Variants in SDSL observed in about 807,000 individuals in gnomAD.
SDSL encodes the protein serine dehydratase-like.
A neutral mutation model predicts 27.6 loss-of-function variants in SDSL; 26 were observed. That is an observed-to-expected ratio of 0.94 (90% CI 0.69 to 1.31). SDSL has a LOEUF of 1.31. Among genes scored for constraint, SDSL ranks in the 50% most tolerant of loss-of-function variants. SDSL has a pLI of 0.00. For missense variants in SDSL, 431 were observed against 423.5 expected, an observed-to-expected ratio of 1.02 and a Z score of -0.16; for synonymous variants, 196 against 180.6, an observed-to-expected ratio of 1.09 and a Z score of -0.69.
intron 6 of SDSL, among the ~76,000 whole-genome samples, chr12:113,436,454 A>G (rs1957995003): frequency 1.3e-5 from 2 of 151,956 alleles, no homozygotes; most frequent in African/African-American, 2.4e-5. Flanking sequence ...ACACCCGGAT[A>G]ATTTTGTATT....
At chr12:113,432,257 TTTCTTTCTTTC>T (rs1395419321) in intron 4 of SDSL, among the ~76,000 whole-genome samples, 1 of 142,802 alleles carries the variant, frequency 7.0e-6, no homozygotes, top group Non-Finnish European at 1.5e-5. Context: ...TCTTTCTTTC[TTTCTTTCTTTC>T]TTTCTTTCTT....
chr12:113,426,499 A>G (rs1166194422), intron 1 of SDSL, among the ~76,000 whole-genome samples: 2 of 152,238 alleles, frequency 1.3e-5, no homozygotes, highest in African/African-American at 2.4e-5. Flanking sequence ...AGATGTGATC[A>G]TAGTATTGTG....
intron 4 of SDSL, among the ~76,000 whole-genome samples, chr12:113,432,208 GCTTCTTTCTTTCTTTC>G (rs1957930560): frequency 6.7e-6 from 1 of 149,606 alleles, no homozygotes; most frequent in Non-Finnish European, 1.5e-5. Context: ...TTGTTTGTTT[GCTTCTTTCTTTCTTTC>G]TTTCTTTCTT....
chr12:113,422,534 G>A (rs936134727), intron 1 of SDSL, 57 bp downstream of exon 1: 2 of 152,884 alleles, frequency 1.3e-5, no homozygotes, highest in African/African-American at 4.8e-5. Context: ...GTGAATGAGA[G>A]GCTGATGAGA....
chr12:113,428,320 G>C lies in SDSL; in HGVS notation c.175-100G>C. On this transcript the variant is annotated intron_variant, in intron 2 of 7. Transcript: ENST00000403593. ...GCTGTGGGCAGGATGAGGGGTAAAGGCGTATTGGGAGTGGGATGGGGAGAC... is the reference window on the plus strand; with the variant it reads ...GCTGTGGGCAGGATGAGGGGTAAAGCCGTATTGGGAGTGGGATGGGGAGAC... 4 of 1,341,678 alleles carry C rather than the reference G, an allele frequency of 3.0e-6. No homozygotes were observed. In the South Asian group the frequency reaches 4.1e-5, roughly 14 times the overall value. The allele number at this position is 1,341,678 out of a possible 1,614,324, so 83.1% of individuals were successfully genotyped here.
intron 1 of SDSL, chr12:113,425,661 T>C (rs1957839236): frequency 2.2e-6 from 1 of 455,772 alleles, no homozygotes; most frequent in Non-Finnish European, 4.4e-6. Context: ...TTTTCGTCCT[T>C]ACCCACTGGT....
intron 1 of SDSL, chr12:113,426,371 C>T (rs1159201132): frequency 2.7e-6 from 1 of 375,448 alleles, no homozygotes; most frequent in East Asian, 7.5e-5. Flanking sequence ...CTGATTCAAA[C>T]CGTGAAAAAC....
chr12:113,429,069 G>A lies in SDSL; in HGVS notation c.215-91G>A, dbSNP rs893202177. On this transcript the variant is annotated intron_variant, in intron 3 of 7. Transcript: ENST00000403593. The stretch of plus-strand genomic sequence containing the variant: ...AATGGGGCATATGAATGTTGGGGAC[G>A]AGTGACTCTGAAGGGATATGGAGGG... The A allele has an allele frequency of 3.2e-5, 47 of 1,461,404 alleles. No individual in the cohort carries two copies. The South Asian group carries it at 4.2e-4, about 13-fold the overall frequency. The allele number at this position is 1,461,404 out of a possible 1,614,324, so 90.5% of individuals were successfully genotyped here.
chr12:113,432,304 TTCTGTCTC>T (rs1243639539), intron 4 of SDSL, among the ~76,000 whole-genome samples: 20 of 146,066 alleles, frequency 1.4e-4, no homozygotes, highest in African/African-American at 3.9e-4. Context: ...CTCTCTCTCT[TTCTGTCTC>T]TCTGTCTCTC....
intron 4 of SDSL, among the ~76,000 whole-genome samples, chr12:113,433,044 G>A (rs929173599): frequency 4.6e-5 from 7 of 152,202 alleles, no homozygotes; most frequent in African/African-American, 1.7e-4. Context: ...TAATGGGATT[G>A]CTGGGTCAAA....
At chr12:113,437,365 A>G (rs1474092610) in intron 7 of SDSL, among the ~76,000 whole-genome samples, 2 of 152,226 alleles carry the variant, frequency 1.3e-5, no homozygotes, top group African/African-American at 2.4e-5. Flanking sequence ...TAGGCACTCA[A>G]TAGATGTTTG....
rs1328013610 is a variant in SDSL, at chr12:113,436,732, ACCCTG to A, written c.672-17_672-13del. The A allele has an allele frequency of 1.9e-6, 3 of 1,583,948 alleles. No individual in the cohort carries two copies. Among genetic ancestry groups the A allele is most frequent in the Non-Finnish European group, 2.6e-6 (3 of 1,170,210 alleles). Reference sequence around the variant, plus strand: ...CCTGAGCCCCTGGTCTCCCTGCCCCACCCTGCTCTATCCTGCAGTGTGGCCAAGAG... The same window carrying A: ...CCTGAGCCCCTGGTCTCCCTGCCCCACTCTATCCTGCAGTGTGGCCAAGAG... On this transcript the variant is annotated splice_polypyrimidine_tract_variant and intron_variant, in intron 6 of 7. Transcript: ENST00000403593.
chr12:113,426,419 A>G (rs1957851995), intron 1 of SDSL: 3 of 311,942 alleles, frequency 9.6e-6, no homozygotes, highest in African/African-American at 4.3e-5. Flanking sequence ...GCCACTGATC[A>G]TATTTAATGG....
At chr12:113,424,482 T>C (rs1391153145) in intron 1 of SDSL, among the ~76,000 whole-genome samples, 5 of 152,246 alleles carry the variant, frequency 3.3e-5, no homozygotes, top group Admixed American at 2.6e-4. Context: ...ATGCAGTTAT[T>C]TGTTAAGTGC....
intron 1 of SDSL, chr12:113,423,034 G>C (rs7310082): frequency 0.085 from 12,881 of 152,280 alleles, 964 homozygotes; most frequent in African/African-American, 0.2. Context: ...GGGACAAGAG[G>C]TGTGTGTCCC....
intron 1 of SDSL, among the ~76,000 whole-genome samples, chr12:113,424,184 G>T (rs537181665): frequency 1.3e-5 from 2 of 151,934 alleles, no homozygotes; most frequent in African/African-American, 4.8e-5. Context: ...CACCATGCCC[G>T]GCTAATTTTG....
In SDSL at chr12:113,438,117, C is replaced by A; in HGVS notation, c.*38C>A. ...TGGCCCCAAAGACCCCTGAGAGGCC[C>A]ATGGACAGTCCTGTGTCTGGATGAG... On this transcript the variant is annotated 3_prime_UTR_variant, in exon 8 of 8. Transcript: ENST00000403593. The A allele has an allele frequency of 1.9e-6, 3 of 1,543,694 alleles. No individual in the cohort carries two copies. The highest frequency in any genetic ancestry group is 1.2e-5 in the South Asian group (1 of 86,442).
chr12:113,424,016 A>AT lies in SDSL; in HGVS notation c.-22+1547dup, dbSNP rs573360370. On this transcript the variant is annotated intron_variant, in intron 1 of 7. Coordinates refer to ENST00000403593, the MANE Select transcript of SDSL (RefSeq NM_001304993.2). The stretch of plus-strand genomic sequence containing the variant: ...CGGGTCTAATTTTTAATTTTTTATT[A>AT]TTTTTTTTGAGACAGAGTTTCCCTC... 4.0e-5 allele frequency among the ~76,000 whole-genome samples: 6 copies of AT among 151,664 alleles called. No individual in the cohort carries two copies. The South Asian group carries it at 8.3e-4, about 21-fold the overall frequency.
intron 7 of SDSL, chr12:113,437,095 C>T (rs1315455628): frequency 5.8e-6 from 2 of 344,552 alleles, no homozygotes; most frequent in Non-Finnish European, 1.0e-5. Context: ...ACATGCTGCT[C>T]CTCTCTCTGG....
Sources: allele counts gnomAD v4.1 joint callset (sites outside exome capture counted in the v4.1 genomes callset), GRCh38; gene constraint gnomAD v4.1.1; transcripts MANE v1.5; gene names NCBI Gene and HGNC (gene_info 2026-07-23, HGNC 2026-07-21).